The following TMPRSS11A variants were observed in gnomAD, a reference collection of about 807,000 sequenced individuals.
TMPRSS11A encodes transmembrane protease serine 11A.
TMPRSS11A carries 53 observed loss-of-function variants against 58.9 expected under a neutral mutation model. The observed-to-expected ratio is 0.90, with a 90% CI of 0.72 to 1.13. The LOEUF (loss-of-function observed/expected upper bound fraction) is 1.13. Ranked by LOEUF, TMPRSS11A falls within the 50% of genes most tolerant of loss-of-function variation. The pLI, the probability that TMPRSS11A is intolerant of heterozygous loss-of-function variation, is 0.00. For synonymous variants in TMPRSS11A, 167 were observed against 169.8 expected, an observed-to-expected ratio of 0.98 and a Z score of 0.13; for missense variants, 493 against 499.3, an observed-to-expected ratio of 0.99 and a Z score of 0.12.
intron 1 of TMPRSS11A, among the ~76,000 whole-genome samples, chr4:67,954,538 A>G (rs1577872853): frequency 6.6e-6 from 1 of 152,236 alleles, no homozygotes; most frequent in East Asian, 1.9e-4. Context: ...TATGACTGGC[A>G]TTTAACTCCC....
intron 1 of TMPRSS11A, among the ~76,000 whole-genome samples, chr4:67,961,908 C>T (rs1164867720): frequency 2.6e-5 from 4 of 152,050 alleles, no homozygotes; most frequent in Admixed American, 6.6e-5. Context: ...TGCAAACACT[C>T]CTATAAATAT....
At position 67,911,156 on chromosome 4, in the gene TMPRSS11A, G is replaced by C; in HGVS notation, c.*186C>G. 1 of 489,720 alleles carries C rather than the reference G, an allele frequency of 2.0e-6. No homozygotes were observed. Among genetic ancestry groups the C allele is most frequent in the Non-Finnish European group, 3.6e-6 (1 of 280,652 alleles). The allele number at this position is 489,720 out of a possible 1,614,324, so 30.3% of individuals were successfully genotyped here. A position where few individuals can be genotyped will look rare whatever the true frequency, so the allele number is the denominator to read the frequency against. ...CAGATCCATTACTTTACAAATAAAA[G>C]TCCCTTATAAATTGGCTAAGGATTA... is the stretch of plus-strand genomic sequence containing the variant. On this transcript the variant is annotated 3_prime_UTR_variant, in exon 10 of 10. Transcript: ENST00000508048.
Position 67,934,974 on chromosome 4 carries a change from AC to A in TMPRSS11A, c.253-2915del, listed in dbSNP as rs1329668960. On this transcript the variant is annotated intron_variant, in intron 3 of 9. Coordinates refer to ENST00000508048, the MANE Select transcript of TMPRSS11A (RefSeq NM_001114387.2). ...TAAAAGCTGTTTTTTCCAACGTAAC[AC>A]CAGGTGAGCTCCTTAGAATTAAAGA... Among the ~76,000 whole-genome samples the A allele has an allele frequency of 2.6e-5, 4 of 152,294 alleles. 1 individual carries two copies. The South Asian group carries it at 6.2e-4, about 24-fold the overall frequency.
intron 6 of TMPRSS11A, 72 bp from the exon 7 acceptor site, chr4:67,922,998 G>T: frequency 1.3e-6 from 2 of 1,513,740 alleles, no homozygotes; most frequent in Non-Finnish European, 9.1e-7. Context: ...ATTCTTACTT[G>T]CCTGAAGACA....
intron 1 of TMPRSS11A, among the ~76,000 whole-genome samples, chr4:67,956,769 AT>A (rs1721301107): frequency 6.6e-6 from 1 of 152,128 alleles, no homozygotes; most frequent in Admixed American, 6.5e-5. Context: ...CTTTATACAC[AT>A]TTCTGTCATC....
At chr4:67,961,513 T>TGAGACAGAG (rs1721427429) in intron 1 of TMPRSS11A, among the ~76,000 whole-genome samples, 1 of 19,496 alleles carries the variant, frequency 5.1e-5, no homozygotes. Context: ...TTTTTTTTTT[T>TGAGACAGAG]TTTTTTTTTT....
intron 1 of TMPRSS11A, among the ~76,000 whole-genome samples, chr4:67,950,129 G>T (rs4860868): frequency 0.66 from 100,464 of 152,074 alleles, 37,036 homozygotes; most frequent in Non-Finnish European, 0.83. Flanking sequence ...TCACAGCTCT[G>T]TATGTGGCAT....
At chr4:67,919,258 AT>A (rs780623056) in intron 7 of TMPRSS11A, 26 bp from the exon 8 acceptor site, 1 of 1,608,230 alleles carries the variant, frequency 6.2e-7, no homozygotes, top group South Asian at 1.1e-5. Flanking sequence ...AATTAACAGA[AT>A]ATATATAAGC....
At chr4:67,958,772 T>G (rs1272346591) in intron 1 of TMPRSS11A, among the ~76,000 whole-genome samples, 5 of 152,106 alleles carry the variant, frequency 3.3e-5, no homozygotes, top group African/African-American at 1.2e-4. Context: ...TTTGGCTGTG[T>G]CCCCACCCAA....
At chr4:67,937,799 A>G (rs146594308) in intron 3 of TMPRSS11A, among the ~76,000 whole-genome samples, 1 of 152,090 alleles carries the variant, frequency 6.6e-6, no homozygotes, top group African/African-American at 2.4e-5. Flanking sequence ...TCTTTGTCCA[A>G]TCCACCATTG....
chr4:67,929,790 G>C (rs1317008763), intron 5 of TMPRSS11A, 90 bp downstream of exon 5: 3 of 1,186,886 alleles, frequency 2.5e-6, no homozygotes, highest in Non-Finnish European at 3.5e-6. Context: ...GCTATTATTT[G>C]AAATGGAAAT....
Position 67,922,906 on chromosome 4 carries a change from G to T in TMPRSS11A, c.541C>A (p.Pro181Thr). Residue 181 changes from proline (P) to threonine (T), a missense_variant, in exon 7 of 10, where the codon CCA (proline) becomes ACA (threonine). Coordinates refer to ENST00000508048, the MANE Select transcript of TMPRSS11A (RefSeq NM_001114387.2). Reference protein sequence around the residue: ...VQASCGKRVVPLNVNRIASGV... With the variant: ...VQASCGKRVVTLNVNRIASGV... ...GATGCTATTCTGTTGACGTTTAATG[G>T]AACAACTCGTTTACCACAACCTGAA... The T allele has an allele frequency of 6.2e-7, 1 of 1,613,982 alleles. No individual in the cohort carries two copies. Among genetic ancestry groups the T allele is most frequent in the Non-Finnish European group, 8.5e-7 (1 of 1,179,972 alleles).
At chr4:67,954,468 C>A (rs961802278) in intron 1 of TMPRSS11A, among the ~76,000 whole-genome samples, 3 of 152,206 alleles carry the variant, frequency 2.0e-5, no homozygotes, top group African/African-American at 7.2e-5. Flanking sequence ...CAGTTCTTAT[C>A]CCTTCTAGAT....
intron 1 of TMPRSS11A, among the ~76,000 whole-genome samples, chr4:67,962,173 G>A (rs1560577366): frequency 6.6e-6 from 1 of 151,940 alleles, no homozygotes; most frequent in Non-Finnish European, 1.5e-5. Flanking sequence ...CCATTCATTT[G>A]TTCAACAAAT....
intron 3 of TMPRSS11A, among the ~76,000 whole-genome samples, chr4:67,932,684 T>A (rs888793029): frequency 6.6e-6 from 1 of 152,168 alleles, no homozygotes; most frequent in East Asian, 1.9e-4. Flanking sequence ...GTCTTAGCTC[T>A]GCAGGTCTTT....
At chr4:67,912,194 A>G (rs1326159595) in intron 9 of TMPRSS11A, among the ~76,000 whole-genome samples, 1 of 152,138 alleles carries the variant, frequency 6.6e-6, no homozygotes, top group African/African-American at 2.4e-5. Flanking sequence ...AGATCTACCA[A>G]CACCTCACAA....
At chr4:67,945,400 G>A (rs1720976854) in intron 2 of TMPRSS11A, among the ~76,000 whole-genome samples, 1 of 152,132 alleles carries the variant, frequency 6.6e-6, no homozygotes, top group Non-Finnish European at 1.5e-5. Flanking sequence ...TACAAACCAA[G>A]GAAAGAAACA....
chr4:67,930,829 T>TTTTTTTAA (rs1265700805), intron 4 of TMPRSS11A, among the ~76,000 whole-genome samples: 192 of 89,970 alleles, frequency 2.1e-3, no homozygotes, highest in East Asian at 4.5e-3. Flanking sequence ...TTTTTTTTTT[T>TTTTTTTAA]ACAAAAAAAA....
intron 1 of TMPRSS11A, among the ~76,000 whole-genome samples, chr4:67,962,203 T>C (rs1204291582): frequency 1.3e-5 from 2 of 152,206 alleles, no homozygotes; most frequent in African/African-American, 2.4e-5. Context: ...GTACTGGTTA[T>C]GTTTGAAGCA....
Sources: gnomAD v4.1 joint callset for allele counts (sites outside exome capture counted in the v4.1 genomes callset) on GRCh38, gnomAD v4.1.1 for gene constraint, MANE v1.5 for transcripts, NCBI Gene and HGNC (gene_info 2026-07-23, HGNC 2026-07-21) for gene names.